Variants in DCLK2 observed in about 807,000 individuals in gnomAD.
DCLK2 encodes the protein doublecortin like kinase 2, also known as serine/threonine-protein kinase DCLK2.
DCLK2 carries 31 observed loss-of-function variants against 78.4 expected under a neutral mutation model. That is an observed-to-expected ratio of 0.40 (90% CI 0.30 to 0.53). DCLK2 has a LOEUF of 0.53. Among genes scored for constraint, DCLK2 ranks in the 20% least tolerant of loss-of-function variants. The pLI, the probability that DCLK2 is intolerant of heterozygous loss-of-function variation, is 0.61. For synonymous variants in DCLK2, 407 were observed against 374.9 expected (o/e 1.09, Z -0.99); for missense variants, 872 against 973.7 (o/e 0.90, Z 1.39).
intron 2 of DCLK2, among the ~76,000 whole-genome samples, chr4:150,105,493 T>G (rs1317710514): frequency 6.6e-6 from 1 of 152,106 alleles, no homozygotes; most frequent in Non-Finnish European, 1.5e-5. Context: ...TTTTTGAATA[T>G]GCAGTGAATT....
chr4:150,137,629 C>T (rs1260745174), intron 2 of DCLK2, among the ~76,000 whole-genome samples: 1 of 151,872 alleles, frequency 6.6e-6, no homozygotes, highest in Non-Finnish European at 1.5e-5. Context: ...GGTAAAATGA[C>T]AAGAAAAATT....
At chr4:150,250,672 C>T (rs1743717357) in intron 15 of DCLK2, among the ~76,000 whole-genome samples, 1 of 151,784 alleles carries the variant, frequency 6.6e-6, no homozygotes, top group Non-Finnish European at 1.5e-5. Context: ...GGGCCACCTC[C>T]ACAGCTCCGT....
intron 2 of DCLK2, among the ~76,000 whole-genome samples, chr4:150,103,097 G>A (rs1731000769): frequency 7.7e-6 from 1 of 129,462 alleles, no homozygotes; most frequent in Admixed American, 7.6e-5. Flanking sequence ...TGAGGGAAAA[G>A]TATAAGTTGA....
At chr4:150,240,513 A>T in intron 12 of DCLK2, 37 bp downstream of exon 12, 1 of 1,419,522 alleles carries the variant, frequency 7.0e-7, no homozygotes, top group South Asian at 1.2e-5. Flanking sequence ...TGAATTGCAA[A>T]TGTTCTCCCT....
chr4:150,082,040 C>T (rs539097946), intron 1 of DCLK2, among the ~76,000 whole-genome samples: 32 of 151,188 alleles, frequency 2.1e-4, no homozygotes, highest in African/African-American at 7.0e-4. Flanking sequence ...AAAAGAATCA[C>T]GAATGCTTAC....
chr4:150,093,967 C>G lies in DCLK2; in HGVS notation c.422-8511C>G, dbSNP rs139724337. On this transcript the variant is annotated intron_variant, in intron 1 of 15. Transcript: ENST00000296550. ...CCAAGAATACACAATGGGGAAAGGA[C>G]AGATTCTTCAACAAATGGTGTTGGG... Among the ~76,000 whole-genome samples the G allele has an allele frequency of 3.3e-4, 50 of 152,256 alleles. 1 individual carries two copies. The East Asian group carries it at 8.7e-3, about 26-fold the overall frequency.
intron 12 of DCLK2, among the ~76,000 whole-genome samples, chr4:150,247,122 G>C (rs369589909): frequency 6.6e-6 from 1 of 152,090 alleles, no homozygotes. Flanking sequence ...TGCCATGACA[G>C]CTTGAGGGCA....
At chr4:150,232,504 A>G in intron 9 of DCLK2, 48 bp downstream of exon 9, 1 of 1,601,802 alleles carries the variant, frequency 6.2e-7, no homozygotes, top group Non-Finnish European at 8.5e-7. Flanking sequence ...ACAATTTACA[A>G]CATCCTTGAA....
At chr4:150,211,513 G>C (rs1740314517) in intron 5 of DCLK2, among the ~76,000 whole-genome samples, 3 of 152,104 alleles carry the variant, frequency 2.0e-5, no homozygotes, top group African/African-American at 7.2e-5. Flanking sequence ...AGTCACACCA[G>C]CCTTCTCTCC....
In DCLK2 at chr4:150,102,758, C is replaced by T. The variant is rs1211044718; in HGVS notation, c.702C>T (p.Ala234=). 1.9e-6 allele frequency: 3 copies of T among 1,613,910 alleles called. No homozygotes were observed. The African/African-American group carries it at 4.0e-5, about 22-fold the overall frequency. ...FEQVLTDITE[A]IKLDSGVVKR... is the part of the protein sequence containing the mutation. ...AAGTCTTAACAGATATCACCGAAGC[C>T]ATTAAACTAGACTCAGGAGTCGTCA... Residue 234 remains alanine, a synonymous_variant, in exon 2 of 16, where the codon GCC becomes GCT. Coordinates refer to ENST00000296550, the MANE Select transcript of DCLK2 (RefSeq NM_001040260.4).
At chr4:150,149,227 C>A (rs1295606226) in intron 2 of DCLK2, among the ~76,000 whole-genome samples, 1 of 151,950 alleles carries the variant, frequency 6.6e-6, no homozygotes, top group African/African-American at 2.4e-5. Flanking sequence ...AATTCAGTAG[C>A]AGTTTATTTT....
intron 12 of DCLK2, among the ~76,000 whole-genome samples, chr4:150,241,694 T>G (rs940770023): frequency 9.9e-5 from 15 of 152,234 alleles, no homozygotes; most frequent in Admixed American, 2.6e-4. Context: ...CTTCCAGTTC[T>G]GGAGGTTGAG....
chr4:150,146,345 C>T (rs1033518276), intron 2 of DCLK2, among the ~76,000 whole-genome samples: 1 of 152,224 alleles, frequency 6.6e-6, no homozygotes, highest in East Asian at 1.9e-4. Flanking sequence ...TCTACAATTT[C>T]ACAAAGTCCT....
intron 1 of DCLK2, among the ~76,000 whole-genome samples, chr4:150,083,598 G>A (rs797011828): frequency 4.6e-5 from 7 of 152,236 alleles, no homozygotes; most frequent in African/African-American, 1.4e-4. Flanking sequence ...ATTATACTTA[G>A]TTGTTTTTTC....
At chr4:150,253,741 C>A in intron 15 of DCLK2, 1 of 985,442 alleles carries the variant, frequency 1.0e-6, no homozygotes, top group Non-Finnish European at 1.2e-6. Flanking sequence ...TTTCAAACTT[C>A]TCAGCTTACC....
At chr4:150,087,351 C>T (rs1361278779) in intron 1 of DCLK2, among the ~76,000 whole-genome samples, 1 of 152,158 alleles carries the variant, frequency 6.6e-6, no homozygotes. Context: ...GCAAAATGTT[C>T]ACAATAGATG....
At chr4:150,082,198 T>C (rs1161430880) in intron 1 of DCLK2, among the ~76,000 whole-genome samples, 8 of 152,190 alleles carry the variant, frequency 5.3e-5, no homozygotes, top group Admixed American at 3.3e-4. Context: ...ATTGTCAAAA[T>C]TGACTGCTTT....
intron 5 of DCLK2, among the ~76,000 whole-genome samples, chr4:150,218,090 C>T (rs1180864978): frequency 2.8e-5 from 4 of 145,026 alleles, no homozygotes; most frequent in African/African-American, 7.6e-5. Context: ...CTCCCCCGCC[C>T]CCCCTCCCCC....
At chr4:150,135,050 T>C (rs1733594639) in intron 2 of DCLK2, among the ~76,000 whole-genome samples, 1 of 152,186 alleles carries the variant, frequency 6.6e-6, no homozygotes, top group African/African-American at 2.4e-5. Context: ...TAATGAAAAG[T>C]CTGCTTAGTA....
Sources: allele counts gnomAD v4.1 joint callset (sites outside exome capture counted in the v4.1 genomes callset), GRCh38; gene constraint gnomAD v4.1.1; transcripts MANE v1.5; gene names NCBI Gene and HGNC (gene_info 2026-07-23, HGNC 2026-07-21).